The following GRK1 variants were observed in gnomAD, a reference collection of about 807,000 sequenced individuals.
The protein encoded by GRK1 is rhodopsin kinase GRK1.
In GRK1, 28 loss-of-function variants were observed where a neutral mutation model predicts 41.7. The ratio of observed to expected loss-of-function variants is 0.67; its 90% confidence interval spans 0.50 to 0.92. The LOEUF (loss-of-function observed/expected upper bound fraction) is 0.92, where lower values mean the gene tolerates loss of function less well. Among genes scored for constraint, GRK1 ranks in the 40% least tolerant of loss-of-function variants. The pLI is 0.00. For synonymous variants in GRK1, 327 were observed against 286.7 expected (o/e 1.14, Z -1.42); for missense variants, 703 against 671.2 (o/e 1.05, Z -0.52).
chr13:113,672,367 TG>T (rs2049863215), intron 3 of GRK1, among the ~76,000 whole-genome samples: 1 of 3,882 alleles, frequency 2.6e-4, no homozygotes, highest in African/African-American at 8.9e-4. Flanking sequence ...GTGTGGTATC[TG>T]GTGTGGTACG....
At chr13:113,650,646 T>A in the GRK1 span, 1 of 608,284 alleles carries the variant, frequency 1.6e-6, no homozygotes, top group Non-Finnish European at 2.9e-6. The surrounding 1 kb of genome is among the most constrained non-coding windows in gnomAD (Gnocchi z 5.0). Flanking sequence ...TTAGCATAAA[T>A]CAGATGCAAT....
At position 113,735,499 on chromosome 13, in the gene GRK1, C is replaced by G. The variant is rs1365843355; in HGVS notation, c.*136C>G. The stretch of plus-strand genomic sequence containing the variant: ...TCCACCCAGGTCCCCATCACGCCAT[C>G]TCCTTGCGGCCCAAGGAGGAGAAAG... On this transcript the variant is annotated 3_prime_UTR_variant, in exon 7 of 7. Coordinates refer to ENST00000335678, the MANE Select transcript of GRK1 (RefSeq NM_002929.3). The G allele has an allele frequency of 1.0e-6, 1 of 984,710 alleles. No individual in the cohort carries two copies. Among genetic ancestry groups the G allele is most frequent in the African/African-American group, 1.6e-5 (1 of 60,882 alleles). The allele number at this position is 984,710 out of a possible 1,614,324, so 61.0% of individuals were successfully genotyped here.
upstream of GRK1, among the ~76,000 whole-genome samples, chr13:113,664,999 C>T (rs2049808701): frequency 6.6e-6 from 1 of 152,224 alleles, no homozygotes; most frequent in South Asian, 2.1e-4. The surrounding 1 kb of genome is among the most constrained non-coding windows in gnomAD (Gnocchi z 5.4). Flanking sequence ...CCTGCCAAAG[C>T]CCTCAGGAGA....
At position 113,733,917 on chromosome 13, in the gene GRK1, CGTGTGTGCAT is replaced by C. The variant is rs2049975444; in HGVS notation, c.1396+838_1396+847del. On this transcript the variant is annotated intron_variant, in intron 6 of 6. Coordinates refer to ENST00000335678, the MANE Select transcript of GRK1 (RefSeq NM_002929.3). ...TGTGTGTATGTGTGCATACAGTGTG[CGTGTGTGCAT>C]GTGTGCATACGTGTGTGCGTGTGTG... 1.3e-4 allele frequency among the ~76,000 whole-genome samples: 8 copies of C among 62,336 alleles called. No individual in the cohort carries two copies. The South Asian group carries it at 3.8e-3, about 29-fold the overall frequency. The allele number at this position is 62,336 out of a possible 152,430, so 40.9% of individuals were successfully genotyped here.
In GRK1 at chr13:113,737,430, C is replaced by T. The variant is rs1458866724; in HGVS notation, c.*2067C>T. On this transcript the variant is annotated 3_prime_UTR_variant, in exon 7 of 7. Transcript: ENST00000335678. ...GCACGTCTTCCCATAGATCCCACAT[C>T]GGCCACACCCTGGGTGAGGAGCATG... is the stretch of plus-strand genomic sequence containing the variant. 2 of 130,666 alleles carry T rather than the reference C, an allele frequency of 1.5e-5. No individual in the cohort carries two copies. The highest frequency in any genetic ancestry group is 2.3e-4 in the East Asian group (1 of 4,424). 8.1% of individuals were successfully genotyped at this position (130,666 alleles called of 1,614,324 possible).
rs535008904 is a variant in GRK1 at position 113,735,623 on chromosome 13, A to T, written c.*260A>T. The stretch of plus-strand genomic sequence containing the variant: ...CTCCATCTCACTGAGAAGACATAAG[A>T]TGCTCTCCAGAGGGAGTAAGCCAAA... On this transcript the variant is annotated 3_prime_UTR_variant, in exon 7 of 7. Coordinates refer to ENST00000335678, the MANE Select transcript of GRK1 (RefSeq NM_002929.3). The T allele has an allele frequency of 6.2e-5, 25 of 400,662 alleles. No individual in the cohort carries two copies. In the South Asian group the frequency reaches 1.7e-3, roughly 28 times the overall value. The allele number at this position is 400,662 out of a possible 1,614,324, so 24.8% of individuals were successfully genotyped here.
At chr13:113,732,768 C>T (rs1594580151) in intron 5 of GRK1, 116 bp from the exon 6 acceptor site, 2 of 1,110,592 alleles carry the variant, frequency 1.8e-6, no homozygotes, top group South Asian at 1.5e-5. Flanking sequence ...CACAAGGCCT[C>T]ATGGGTCCCC....
At chr13:113,650,598 CGCTGTGT>C in the GRK1 span, 3 of 975,926 alleles carry the variant, frequency 3.1e-6, no homozygotes, top group Non-Finnish European at 3.1e-6. This position sits in a 1 kb window ranked among gnomAD's most constrained non-coding sequence, Gnocchi z 5.0. Context: ...TGCACACACG[CGCTGTGT>C]AGGTGCTTGC....
upstream of GRK1, among the ~76,000 whole-genome samples, chr13:113,663,825 T>C (rs2049802454): frequency 6.6e-6 from 1 of 152,128 alleles, no homozygotes; most frequent in Admixed American, 6.5e-5. Flanking sequence ...TGAGGAAGAA[T>C]CTGCTCACCA....
rs760089320 is a variant in GRK1, at chr13:113,671,631, C to G, written c.960C>G (p.Pro320=). ...GGATCGTCTACCGCGACCTCAAGCC[C>G]GAGAACGTGCTGCTGGACAATGACG... ...QRRIVYRDLK[P]ENVLLDNDGN... Residue 320 remains proline, a synonymous_variant, in exon 3 of 7, where the codon CCC becomes CCG. Transcript: ENST00000335678. This position sits in a 1 kb window ranked among gnomAD's most constrained non-coding sequence, Gnocchi z 4.1. 7 of 767,854 alleles carry G rather than the reference C, an allele frequency of 9.1e-6. No homozygotes were observed. Among genetic ancestry groups the G allele is most frequent in the Middle Eastern group, 4.6e-4 (2 of 4,336 alleles). 47.6% of individuals were successfully genotyped at this position (767,854 alleles called of 1,614,324 possible).
chr13:113,653,333 C>T, the GRK1 span: 35 of 1,613,346 alleles, frequency 2.2e-5, no homozygotes, highest in African/African-American at 1.1e-4. Flanking sequence ...GCTAGGAAGG[C>T]GTGGAGAGTC....
At position 113,735,523 on chromosome 13, in the gene GRK1, A is replaced by G; in HGVS notation, c.*160A>G. On this transcript the variant is annotated 3_prime_UTR_variant, in exon 7 of 7. Coordinates refer to ENST00000335678, the MANE Select transcript of GRK1 (RefSeq NM_002929.3). ...TCTCCTTGCGGCCCAAGGAGGAGAAAGCCCACATCGGCCTGAGCCGCCAGA... is the reference window on the plus strand; with the variant it reads ...TCTCCTTGCGGCCCAAGGAGGAGAAGGCCCACATCGGCCTGAGCCGCCAGA... 1 of 774,630 alleles carries G rather than the reference A, an allele frequency of 1.3e-6. No homozygotes were observed. The highest frequency in any genetic ancestry group is 2.7e-5 in the South Asian group (1 of 37,688). The allele number at this position is 774,630 out of a possible 1,614,324, so 48.0% of individuals were successfully genotyped here. A position where few individuals can be genotyped will look rare whatever the true frequency, so the allele number is the denominator to read the frequency against.
chr13:113,734,026 G>A (rs1366771784), intron 6 of GRK1, among the ~76,000 whole-genome samples: 7 of 118,970 alleles, frequency 5.9e-5, no homozygotes, highest in African/African-American at 2.2e-4. Flanking sequence ...GTGTGTGCGT[G>A]CGTGTGCGTA....
the GRK1 span, among the ~76,000 whole-genome samples, chr13:113,651,373 G>A: frequency 1.3e-5 from 2 of 152,246 alleles, no homozygotes; most frequent in South Asian, 2.1e-4. Flanking sequence ...CAGAACTGGT[G>A]GAAGGTGCAC....
rs181291359 is a variant in GRK1 at position 113,732,925 on chromosome 13, C to G, written c.1236C>G (p.Pro412=). 8 of 1,536,754 alleles carry G rather than the reference C, an allele frequency of 5.2e-6. No individual in the cohort carries two copies. The highest frequency in any genetic ancestry group is 1.4e-5 in the African/African-American group (1 of 73,028). The change falls in exon 6 of 7, where the codon CCC becomes CCG. Residue 412 remains proline, a synonymous_variant. Transcript: ENST00000335678. ...KELKHRIISE[P]VKYPDKFSQA... is the part of the protein sequence containing the mutation. Reference sequence around the variant, plus strand: ...TGAAGCACCGGATCATCTCAGAGCCCGTGAAGTACCCTGATAAGTTCAGCC... The same window carrying G: ...TGAAGCACCGGATCATCTCAGAGCCGGTGAAGTACCCTGATAAGTTCAGCC...
intron 6 of GRK1, among the ~76,000 whole-genome samples, chr13:113,734,032 G>A (rs1401885667): frequency 6.9e-6 from 1 of 144,174 alleles, no homozygotes; most frequent in African/African-American, 2.7e-5. Flanking sequence ...GCGTGCGTGT[G>A]CGTATGTGTG....
the GRK1 span, chr13:113,651,593 C>T: frequency 3.5e-4 from 502 of 1,430,410 alleles, 2 homozygotes; most frequent in African/African-American, 4.9e-3. Context: ...CCAGGTGGGC[C>T]GTGCCCAGCA....
chr13:113,656,978 CCTGCCT>C, the GRK1 span, among the ~76,000 whole-genome samples: 1 of 152,162 alleles, frequency 6.6e-6, no homozygotes, highest in African/African-American at 2.4e-5. Flanking sequence ...GCCCCCGGTC[CCTGCCT>C]CTCTAGGAAC....
chr13:113,651,938 A>G, the GRK1 span, among the ~76,000 whole-genome samples: 1 of 149,152 alleles, frequency 6.7e-6, no homozygotes, highest in Admixed American at 6.6e-5. Flanking sequence ...CCCTCCCCCC[A>G]CCCACCCATC....
Sources: allele counts gnomAD v4.1 joint callset (sites outside exome capture counted in the v4.1 genomes callset), GRCh38; gene constraint gnomAD v4.1.1; non-coding constraint Gnocchi (gnomAD v3.1); transcripts MANE v1.5; gene names NCBI Gene and HGNC (gene_info 2026-07-23, HGNC 2026-07-21).